ARHGEF3: variants seen among roughly 807,000 people sequenced by gnomAD.
The protein encoded by ARHGEF3 is 59.8 kDA protein.
Under a neutral mutation model 63.2 loss-of-function variants are expected in ARHGEF3, and 28 were observed. The ratio of observed to expected loss-of-function variants is 0.44; its 90% CI spans 0.33 to 0.61. The LOEUF (loss-of-function observed/expected upper bound fraction) is 0.61, where lower values mean the gene tolerates loss of function less well. ARHGEF3 is among the 20% of genes least tolerant of loss of function. ARHGEF3 has a pLI of 0.03. For missense variants in ARHGEF3, 533 were observed against 659.3 expected, an observed-to-expected ratio of 0.81 and a Z score of 2.10; for synonymous variants, 266 against 254.2, an observed-to-expected ratio of 1.05 and a Z score of -0.44.
chr3:56,978,596 A>C (rs1701210561), intron 2 of ARHGEF3, among the ~76,000 whole-genome samples: 1 of 152,250 alleles, frequency 6.6e-6, no homozygotes, highest in East Asian at 1.9e-4. Flanking sequence ...CTATATGGGC[A>C]TATCAAATGC....
chr3:56,787,464 A>G (rs757438962), intron 1 of ARHGEF3, among the ~76,000 whole-genome samples: 2 of 152,102 alleles, frequency 1.3e-5, no homozygotes, highest in Non-Finnish European at 2.9e-5. Flanking sequence ...CTATATAAAC[A>G]ATGAGGGAAG....
chr3:56,781,775 GT>G (rs2036579124), intron 1 of ARHGEF3, among the ~76,000 whole-genome samples: 1 of 152,220 alleles, frequency 6.6e-6, no homozygotes, highest in Non-Finnish European at 1.5e-5. Context: ...TTTAGGGAGT[GT>G]TTACTCAGTA....
chr3:56,864,567 C>T (rs2040180967), intron 4 of ARHGEF3, among the ~76,000 whole-genome samples: 1 of 152,154 alleles, frequency 6.6e-6, no homozygotes, highest in Admixed American at 6.5e-5. Context: ...CATCTGCCTC[C>T]ATAATTGGAC....
chr3:56,794,718 T>C (rs2037261530), intron 1 of ARHGEF3, among the ~76,000 whole-genome samples: 1 of 152,072 alleles, frequency 6.6e-6, no homozygotes, highest in Admixed American at 6.5e-5. Context: ...CCTACACACA[T>C]CCTCTTACAC....
At chr3:57,034,441 G>A (rs888579492) in intron 2 of ARHGEF3, among the ~76,000 whole-genome samples, 1 of 152,088 alleles carries the variant, frequency 6.6e-6, no homozygotes, top group Non-Finnish European at 1.5e-5. Flanking sequence ...CAAGCATGGG[G>A]CATAGTGTTT....
chr3:56,968,373 C>T (rs1190775467), intron 2 of ARHGEF3, among the ~76,000 whole-genome samples: 1 of 99,930 alleles, frequency 1.0e-5, no homozygotes, highest in Non-Finnish European at 2.1e-5. Context: ...TGGTCTTACT[C>T]CGTTGCCCAG....
chr3:57,013,313 G>A lies in ARHGEF3; in HGVS notation c.62+21775C>T, dbSNP rs573139089. ...GGCCCTGGCATGGGATCCACTAGGCGAAGCCAGCTGGGCTCCTGAGTCCAG... is the reference window on the plus strand; with the variant it reads ...GGCCCTGGCATGGGATCCACTAGGCAAAGCCAGCTGGGCTCCTGAGTCCAG... On this transcript the variant is annotated intron_variant, in intron 2 of 12. Coordinates refer to the ARHGEF3 transcript ENST00000338458. 5.3e-5 allele frequency among the ~76,000 whole-genome samples: 8 copies of A among 152,352 alleles called. No individual in the cohort carries two copies. In the East Asian group the frequency reaches 7.7e-4, roughly 15 times the overall value.
chr3:57,014,198 G>GA (rs1469755604), intron 2 of ARHGEF3, among the ~76,000 whole-genome samples: 2 of 151,928 alleles, frequency 1.3e-5, no homozygotes, highest in Non-Finnish European at 2.9e-5. Context: ...CCACCAGAAG[G>GA]AAAAAACTCC....
At chr3:56,906,920 C>T (rs1440923342) in intron 3 of ARHGEF3, among the ~76,000 whole-genome samples, 4 of 147,680 alleles carry the variant, frequency 2.7e-5, no homozygotes, top group Non-Finnish European at 6.0e-5. Context: ...CTTCTTTTTA[C>T]TTATTTTAAT....
At chr3:56,977,101 C>G (rs944730065) in intron 2 of ARHGEF3, among the ~76,000 whole-genome samples, 4 of 152,104 alleles carry the variant, frequency 2.6e-5, no homozygotes, top group Non-Finnish European at 5.9e-5. Context: ...GCACTGAGAG[C>G]TTAGATTTAG....
In ARHGEF3 at chr3:56,773,739, C is replaced by A. The variant is rs769774704; in HGVS notation, c.174G>T (p.Thr58=). The part of the protein sequence containing the change: ...LANLIPPVKA[T]PLKRFSQTLQ... Reference sequence around the variant, plus strand: ...GGGTTTGACTGAAGCGCTTTAATGGCGTGGCCTTCACGGGCGGGATGAGGT... The same window carrying A: ...GGGTTTGACTGAAGCGCTTTAATGGAGTGGCCTTCACGGGCGGGATGAGGT... Residue 58 remains threonine, a synonymous_variant, in exon 2 of 10, where the codon ACG becomes ACT. Transcript: ENST00000296315. The A allele has an allele frequency of 1.3e-6, 2 of 1,594,984 alleles. No homozygotes were observed. The highest frequency in any genetic ancestry group is 2.3e-5 in the South Asian group (2 of 88,022).
rs184030160 is a variant in ARHGEF3 at position 56,880,653 on chromosome 3, A to G, written c.192+1639T>C. On this transcript the variant is annotated intron_variant, in intron 4 of 12. Coordinates refer to the ARHGEF3 transcript ENST00000338458. ...AAAGTGAGGGGACTGGAATACATAC[A>G]TGGTGGCTAAGGGCTCTGTAAATTC... Among the ~76,000 whole-genome samples the G allele has an allele frequency of 1.2e-4, 18 of 152,278 alleles. No homozygotes were observed. In the East Asian group the frequency reaches 3.3e-3, roughly 28 times the overall value.
intron 2 of ARHGEF3, among the ~76,000 whole-genome samples, chr3:56,985,715 G>A (rs536351383): frequency 1.2e-4 from 19 of 152,226 alleles, no homozygotes; most frequent in African/African-American, 4.3e-4. Context: ...TCGCCCCCTC[G>A]ATCCCCTCAC....
intron 2 of ARHGEF3, among the ~76,000 whole-genome samples, chr3:56,756,698 C>T (rs188321408): frequency 1.3e-4 from 20 of 152,100 alleles, no homozygotes; most frequent in African/African-American, 4.3e-4. Context: ...TACAGGCGCC[C>T]GCCACCACGC....
chr3:57,005,614 C>T (rs771318029), intron 2 of ARHGEF3, among the ~76,000 whole-genome samples: 1 of 152,166 alleles, frequency 6.6e-6, no homozygotes, highest in African/African-American at 2.4e-5. Context: ...TGCTCCCTAT[C>T]GGGAGGGGTT....
At chr3:56,844,850 C>T (rs938289612) in intron 4 of ARHGEF3, among the ~76,000 whole-genome samples, 1 of 152,228 alleles carries the variant, frequency 6.6e-6, no homozygotes, top group Non-Finnish European at 1.5e-5. Context: ...GTTCACATCC[C>T]TGTAGGGCCA....
At chr3:57,042,683 TATATATA>T (rs1704257357) in intron 1 of ARHGEF3, among the ~76,000 whole-genome samples, 3 of 40,356 alleles carry the variant, frequency 7.4e-5, no homozygotes, top group African/African-American at 4.7e-4. Context: ...TATATATATA[TATATATA>T]TATATATATA....
intron 2 of ARHGEF3, among the ~76,000 whole-genome samples, chr3:56,971,256 G>T (rs1367043365): frequency 6.6e-6 from 1 of 152,136 alleles, no homozygotes. Context: ...CATGCATAGT[G>T]GAAGCCATCT....
chr3:56,863,643 C>T (rs895567810), intron 4 of ARHGEF3, among the ~76,000 whole-genome samples: 1 of 151,998 alleles, frequency 6.6e-6, no homozygotes, highest in Non-Finnish European at 1.5e-5. Context: ...CCATGTTGGC[C>T]AGGCTGGTCT....
Sources: allele counts gnomAD v4.1 joint callset (sites outside exome capture counted in the v4.1 genomes callset), GRCh38; gene constraint gnomAD v4.1.1; transcripts MANE v1.5; gene names NCBI Gene and HGNC (gene_info 2026-07-23, HGNC 2026-07-21).